The following MED27 variants were observed in gnomAD, a reference collection of about 807,000 sequenced individuals.
The protein encoded by MED27 is mediator complex subunit 27, also known as mediator of RNA polymerase II transcription subunit 27.
MED27 carries 30 observed loss-of-function variants against 38.2 expected under a neutral mutation model. The observed-to-expected ratio is 0.79, with a 90% CI of 0.59 to 1.07. The LOEUF is 1.07. MED27 is among the 50% of genes least tolerant of loss of function. MED27 has a pLI of 0.00. For synonymous variants in MED27, 122 were observed against 153.5 expected (o/e 0.79, Z 1.52); for missense variants, 289 against 397.5 (o/e 0.73, Z 2.32).
At chr9:132,020,207 C>A (rs967034789) in intron 2 of MED27, among the ~76,000 whole-genome samples, 7 of 152,238 alleles carry the variant, frequency 4.6e-5, no homozygotes, top group African/African-American at 1.7e-4. Context: ...TCTGTTTCTA[C>A]TGAAGAATTC....
At chr9:131,905,580 C>T (rs1340493800) in intron 4 of MED27, among the ~76,000 whole-genome samples, 2 of 151,928 alleles carry the variant, frequency 1.3e-5, no homozygotes, top group African/African-American at 4.8e-5. Context: ...TGCCTGTAAT[C>T]CCAGCACTTT....
chr9:131,973,130 T>C (rs551312877), intron 3 of MED27, among the ~76,000 whole-genome samples: 1 of 152,380 alleles, frequency 6.6e-6, no homozygotes, highest in South Asian at 2.1e-4. Flanking sequence ...ATAAACTTTC[T>C]AGTACACTTT....
chr9:132,030,440 C>G (rs1448997913), intron 2 of MED27, among the ~76,000 whole-genome samples: 2 of 152,110 alleles, frequency 1.3e-5, no homozygotes, highest in African/African-American at 4.8e-5. Context: ...CAGCGTGCAC[C>G]TAAAAGAGGG....
chr9:131,991,623 C>T (rs999146740), intron 3 of MED27, among the ~76,000 whole-genome samples: 1 of 152,186 alleles, frequency 6.6e-6, no homozygotes, highest in African/African-American at 2.4e-5. Flanking sequence ...TGAAACTCAA[C>T]ACAAAATATA....
chr9:131,983,272 C>T (rs1831778533), intron 3 of MED27, among the ~76,000 whole-genome samples: 1 of 152,174 alleles, frequency 6.6e-6, no homozygotes, highest in Non-Finnish European at 1.5e-5. Flanking sequence ...CTGCATGGCT[C>T]CTGTTACTGG....
At chr9:131,869,939 A>G (rs1190136963) in intron 6 of MED27, among the ~76,000 whole-genome samples, 1 of 152,154 alleles carries the variant, frequency 6.6e-6, no homozygotes, top group African/African-American at 2.4e-5. Flanking sequence ...ACCCTCTCTC[A>G]GCATATCCAA....
chr9:131,889,589 T>C lies in MED27; in HGVS notation c.681+4296A>G, dbSNP rs1010807345. Among the ~76,000 whole-genome samples the C allele has an allele frequency of 5.3e-5, 8 of 152,312 alleles. No homozygotes were observed. The highest frequency in any genetic ancestry group is 1.9e-4 in the African/African-American group (8 of 41,572). On this transcript the variant is annotated intron_variant, in intron 5 of 7. Transcript: ENST00000292035. This position sits in a 1 kb window ranked among gnomAD's most constrained non-coding sequence, Gnocchi z 4.2. ...TGGTCCTTGGTATCAAAAATATGCA[T>C]TGCAGGTAAAGAGACAGGATGCTAG...
At position 131,985,805 on chromosome 9, in the gene MED27, A is replaced by C. The variant is rs983596243; in HGVS notation, c.479+28532T>G. ...ATCCAGAAGAAGGCATTGTTATCAT[A>C]GGAGATGACAGCTCTGTGTGTTACT... On this transcript the variant is annotated intron_variant, in intron 3 of 7. Transcript: ENST00000292035. Among the ~76,000 whole-genome samples the C allele has an allele frequency of 5.9e-5, 9 of 152,254 alleles. No individual in the cohort carries two copies. The South Asian group carries it at 8.3e-4, about 14-fold the overall frequency.
intron 3 of MED27, among the ~76,000 whole-genome samples, chr9:131,970,873 C>A (rs1831461925): frequency 6.6e-6 from 1 of 152,150 alleles, no homozygotes; most frequent in Non-Finnish European, 1.5e-5. Flanking sequence ...TGATAAAAAA[C>A]AAACTGTAAA....
intron 2 of MED27, among the ~76,000 whole-genome samples, chr9:132,058,573 T>C (rs539870651): frequency 2.0e-5 from 3 of 152,356 alleles, no homozygotes; most frequent in Middle Eastern, 3.4e-3. Flanking sequence ...TCCAGTGCAA[T>C]TGTAAGTTTC....
chr9:131,907,130 A>T (rs1032504863), intron 4 of MED27, among the ~76,000 whole-genome samples: 5 of 152,048 alleles, frequency 3.3e-5, no homozygotes, highest in African/African-American at 9.7e-5. Context: ...TTTTATCAGC[A>T]AGGTGTTTGT....
chr9:131,998,561 G>T (rs2131053095), intron 3 of MED27, among the ~76,000 whole-genome samples: 2 of 152,310 alleles, frequency 1.3e-5, no homozygotes, highest in Middle Eastern at 6.8e-3. Context: ...GATGTCAGAG[G>T]TTCCTTAGGG....
chr9:132,027,417 C>T (rs1302175048), intron 2 of MED27, among the ~76,000 whole-genome samples: 1 of 152,262 alleles, frequency 6.6e-6, no homozygotes, highest in Non-Finnish European at 1.5e-5. Context: ...AACTCCACCA[C>T]AATCAACTCC....
At chr9:132,052,389 G>T (rs976678678) in intron 2 of MED27, among the ~76,000 whole-genome samples, 1 of 152,128 alleles carries the variant, frequency 6.6e-6, no homozygotes, top group Admixed American at 6.5e-5. Context: ...TTTGAAGTAT[G>T]TAACAGCTAT....
Position 131,868,974 on chromosome 9 carries a change from C to T in MED27, c.724-5834G>A, listed in dbSNP as rs919977565. 44 of 985,482 alleles carry T rather than the reference C, an allele frequency of 4.5e-5. No individual in the cohort carries two copies. The African/African-American group carries it at 7.5e-4, about 17-fold the overall frequency. 61.0% of individuals were successfully genotyped at this position (985,482 alleles called of 1,614,324 possible). On this transcript the variant is annotated intron_variant, in intron 6 of 7. Transcript: ENST00000292035. ...CCCTGCTGGGCGTCTGGCTCACAGGCAAGGCACCTAATTAGTTTTTCCATT... is the reference window on the plus strand; with the variant it reads ...CCCTGCTGGGCGTCTGGCTCACAGGTAAGGCACCTAATTAGTTTTTCCATT...
intron 3 of MED27, among the ~76,000 whole-genome samples, chr9:132,013,514 A>G (rs190534830): frequency 6.6e-6 from 1 of 152,340 alleles, no homozygotes; most frequent in Non-Finnish European, 1.5e-5. Context: ...AAAAATCATT[A>G]AACTGTATGC....
At position 132,079,700 on chromosome 9, in the gene MED27, C is replaced by G; in HGVS notation, c.145G>C (p.Glu49Gln). Reference protein sequence around the residue: ...MRNKETLEGREKAFIAHFQDN... With the variant: ...MRNKETLEGRQKAFIAHFQDN... ...TGGAAGTGCGCAATAAAGGCCTTCT[C>G]CCGGCCCTCCAGCGTCTCCTTGTTC... The change falls in exon 1 of 8, where the codon GAG becomes CAG. Residue 49 changes from glutamate to glutamine, a missense_variant. Coordinates refer to ENST00000292035, the MANE Select transcript of MED27 (RefSeq NM_004269.4). 5.6e-6 allele frequency: 9 copies of G among 1,613,468 alleles called. No homozygotes were observed. Among genetic ancestry groups the G allele is most frequent in the Non-Finnish European group, 7.6e-6 (9 of 1,179,900 alleles).
intron 3 of MED27, among the ~76,000 whole-genome samples, chr9:131,966,390 A>AAAAAAAAAAC (rs1831349870): frequency 6.9e-6 from 1 of 145,794 alleles, no homozygotes; most frequent in Non-Finnish European, 1.5e-5. Context: ...TCACAAAAAA[A>AAAAAAAAAAC]AAAAAAAAAA....
chr9:131,945,540 T>C (rs1215924301), intron 3 of MED27, among the ~76,000 whole-genome samples: 1 of 152,174 alleles, frequency 6.6e-6, no homozygotes, highest in African/African-American at 2.4e-5. Context: ...CTTGAATTTA[T>C]TCCTCTTACC....
Sources: allele counts gnomAD v4.1 joint callset (sites outside exome capture counted in the v4.1 genomes callset), GRCh38; gene constraint gnomAD v4.1.1; non-coding constraint Gnocchi (gnomAD v3.1); transcripts MANE v1.5; gene names NCBI Gene and HGNC (gene_info 2026-07-23, HGNC 2026-07-21).